Variants in CSMD1 observed in about 807,000 individuals in gnomAD.
The protein encoded by CSMD1 is CUB and sushi domain-containing protein 1.
In CSMD1, 213 loss-of-function variants were observed where a neutral mutation model predicts 417.5. The observed-to-expected ratio is 0.51, with a 90% CI of 0.46 to 0.57. The LOEUF is 0.57. CSMD1 is among the 20% of genes least tolerant of loss of function. The probability of loss-of-function intolerance (pLI) is 0.00; values close to 1 mark genes in which losing one functional copy is unlikely to be tolerated. For synonymous variants in CSMD1, 2,862 were observed against 1,736.8 expected, an observed-to-expected ratio of 1.65 and a Z score of -16.11; for missense variants, 6,923 against 4,529.7, an observed-to-expected ratio of 1.53 and a Z score of -15.17.
chr8:3,365,741 G>T (rs1025441468), intron 20 of CSMD1, among the ~76,000 whole-genome samples: 2 of 152,220 alleles, frequency 1.3e-5, no homozygotes, highest in Admixed American at 6.5e-5. Context: ...GGGGCGTCAA[G>T]AGTTACCCTC....
intron 2 of CSMD1, among the ~76,000 whole-genome samples, chr8:4,439,996 G>T (rs573494451): frequency 6.6e-6 from 1 of 152,102 alleles, no homozygotes; most frequent in African/African-American, 2.4e-5. Context: ...CTAGACATGG[G>T]GGGTATACAC....
At chr8:4,007,987 T>C (rs984829656) in intron 4 of CSMD1, among the ~76,000 whole-genome samples, 1 of 152,202 alleles carries the variant, frequency 6.6e-6, no homozygotes, top group South Asian at 2.1e-4. Context: ...AAAAGAACGA[T>C]TCATAATTGT....
intron 5 of CSMD1, among the ~76,000 whole-genome samples, chr8:3,817,405 C>G (rs546646108): frequency 6.6e-6 from 1 of 151,414 alleles, no homozygotes; most frequent in Non-Finnish European, 1.5e-5. Context: ...CTCAACCTCC[C>G]AAGTAGCTGG....
chr8:3,799,149 A>G (rs929667057), intron 5 of CSMD1, among the ~76,000 whole-genome samples: 1 of 152,148 alleles, frequency 6.6e-6, no homozygotes, highest in African/African-American at 2.4e-5. Context: ...CACTTCAATA[A>G]AAAGTTTTAT....
At chr8:3,913,108 G>A (rs1380598666) in intron 5 of CSMD1, among the ~76,000 whole-genome samples, 3 of 152,192 alleles carry the variant, frequency 2.0e-5, no homozygotes, top group African/African-American at 7.2e-5. Context: ...CTGTGTTGCA[G>A]TGGTCATGTG....
At chr8:3,140,363 G>T (rs1168152376) in intron 41 of CSMD1, among the ~76,000 whole-genome samples, 1 of 138,006 alleles carries the variant, frequency 7.2e-6, no homozygotes, top group African/African-American at 2.6e-5. Flanking sequence ...CTCTCTCTCT[G>T]TTTTTCTCTC....
chr8:3,667,602 T>G (rs1798765638), intron 7 of CSMD1, among the ~76,000 whole-genome samples: 1 of 152,104 alleles, frequency 6.6e-6, no homozygotes, highest in Admixed American at 6.5e-5. Flanking sequence ...GATGATTTTG[T>G]GAGTGACAGA....
intron 42 of CSMD1, among the ~76,000 whole-genome samples, chr8:3,115,949 G>T (rs1468283093): frequency 6.6e-6 from 1 of 152,126 alleles, no homozygotes; most frequent in Non-Finnish European, 1.5e-5. Flanking sequence ...GACCTGAAAT[G>T]ATAAACCACT....
At chr8:4,933,762 T>C (rs929183366) in intron 1 of CSMD1, among the ~76,000 whole-genome samples, 2 of 152,158 alleles carry the variant, frequency 1.3e-5, no homozygotes, top group African/African-American at 4.8e-5. Flanking sequence ...ACTACAACTA[T>C]CCTTATTGCT....
intron 2 of CSMD1, among the ~76,000 whole-genome samples, chr8:4,554,012 T>G (rs538800674): frequency 6.6e-6 from 1 of 152,220 alleles, no homozygotes; most frequent in Non-Finnish European, 1.5e-5. Context: ...TAGTAGACCT[T>G]GCGATCTAAC....
chr8:4,453,581 G>C (rs115732225), intron 2 of CSMD1, among the ~76,000 whole-genome samples: 175 of 152,234 alleles, frequency 1.1e-3, no homozygotes, highest in African/African-American at 3.8e-3. Flanking sequence ...TATATCGCTT[G>C]AACAATTGAA....
chr8:4,658,876 T>G (rs1287847909), intron 1 of CSMD1, among the ~76,000 whole-genome samples: 1 of 152,134 alleles, frequency 6.6e-6, no homozygotes, highest in Non-Finnish European at 1.5e-5. Context: ...AGTCTAGAGC[T>G]ATATAGGAGC....
chr8:4,861,933 C>T (rs577911597), intron 1 of CSMD1, among the ~76,000 whole-genome samples: 5 of 152,080 alleles, frequency 3.3e-5, no homozygotes, highest in African/African-American at 1.2e-4. Context: ...CATTTCAAAA[C>T]GGGGATGCAA....
chr8:3,594,775 A>C (rs1366488260), intron 8 of CSMD1, among the ~76,000 whole-genome samples: 1 of 152,178 alleles, frequency 6.6e-6, no homozygotes, highest in Non-Finnish European at 1.5e-5. Context: ...TTGGGAGAAG[A>C]GGCCGGTTGG....
chr8:3,836,329 T>C (rs1333790628), intron 5 of CSMD1, among the ~76,000 whole-genome samples: 1 of 152,196 alleles, frequency 6.6e-6, no homozygotes, highest in African/African-American at 2.4e-5. Context: ...TTGGGTTTAC[T>C]TGACAAAGAT....
chr8:3,725,926 C>G (rs2623754), intron 6 of CSMD1, among the ~76,000 whole-genome samples: 8,393 of 152,198 alleles, frequency 0.055, 270 homozygotes, highest in Middle Eastern at 0.11. Context: ...TTGATAGTGG[C>G]CTGGACCTAA....
intron 26 of CSMD1, among the ~76,000 whole-genome samples, chr8:3,263,299 A>C (rs1448404837): frequency 3.3e-5 from 5 of 152,166 alleles, no homozygotes; most frequent in Non-Finnish European, 5.9e-5. Flanking sequence ...GGGTTTCACC[A>C]TGTTGGCCAG....
chr8:3,416,260 G>C (rs185893969), intron 12 of CSMD1, among the ~76,000 whole-genome samples: 1 of 135,212 alleles, frequency 7.4e-6, no homozygotes, highest in African/African-American at 2.8e-5. Context: ...CCGGGACTGC[G>C]CAACTGCACT....
chr8:4,467,064 T>G (rs1377027527), intron 2 of CSMD1, among the ~76,000 whole-genome samples: 1 of 146,134 alleles, frequency 6.8e-6, no homozygotes, highest in Non-Finnish European at 1.5e-5. Flanking sequence ...TTAAAAGAAG[T>G]GATTAGCTTT....
Sources: gnomAD v4.1 joint callset for allele counts (sites outside exome capture counted in the v4.1 genomes callset) on GRCh38, gnomAD v4.1.1 for gene constraint, MANE v1.5 for transcripts, NCBI Gene and HGNC (gene_info 2026-07-23, HGNC 2026-07-21) for gene names.